The following MGLL variants were observed in gnomAD, a reference collection of about 807,000 sequenced individuals.
MGLL encodes lysophospholipase homolog.
Under a neutral mutation model 29.1 loss-of-function variants are expected in MGLL, and 7 were observed. The observed-to-expected ratio is 0.24, with a 90% CI of 0.14 to 0.45. MGLL has a LOEUF of 0.45. Ranked by LOEUF, MGLL falls within the 20% of genes least tolerant of loss-of-function variation. MGLL has a pLI of 0.99. For missense variants in MGLL, 356 were observed against 413.6 expected, an observed-to-expected ratio of 0.86 and a Z score of 1.21; for synonymous variants, 148 against 168.3, an observed-to-expected ratio of 0.88 and a Z score of 0.93.
At chr3:127,750,363 T>C (rs916646430) in intron 3 of MGLL, among the ~76,000 whole-genome samples, 2 of 152,186 alleles carry the variant, frequency 1.3e-5, no homozygotes, top group Non-Finnish European at 2.9e-5. Context: ...GCAGGCCACG[T>C]GCCTCTTCAT....
At chr3:127,789,108 A>C (rs999880333) in intron 2 of MGLL, among the ~76,000 whole-genome samples, 4 of 151,470 alleles carry the variant, frequency 2.6e-5, no homozygotes, top group African/African-American at 9.7e-5. Context: ...TGGGCTCAAA[A>C]GGGGTGGGGG....
chr3:127,814,931 G>A (rs2077728808), intron 2 of MGLL, among the ~76,000 whole-genome samples: 1 of 152,212 alleles, frequency 6.6e-6, no homozygotes, highest in African/African-American at 2.4e-5. Flanking sequence ...TACTTAAAAG[G>A]TGCTACTAAA....
Position 127,700,588 on chromosome 3 carries a change from G to T in MGLL, c.601-5398C>A, listed in dbSNP as rs115439649. On this transcript the variant is annotated intron_variant, in intron 6 of 7. Coordinates refer to ENST00000265052, the MANE Select transcript of MGLL (RefSeq NM_007283.7). ...GGCCTGCACGGTGGCTGGCACAGGG[G>T]AAGCCTTTGGTAAACTCTGGTGCAA... 2.1e-3 allele frequency among the ~76,000 whole-genome samples: 318 copies of T among 152,250 alleles called. 2 individuals are homozygous for T. The highest frequency in any genetic ancestry group is 7.4e-3 in the African/African-American group (307 of 41,524).
At chr3:127,823,088 G>T (rs1444960759), upstream of MGLL, 1 of 152,120 alleles carries the variant, frequency 6.6e-6, no homozygotes, top group Admixed American at 6.5e-5. Context: ...AGTTACCGGG[G>T]CCACGAGCGC....
At chr3:127,723,525 GC>G (rs576659596) in intron 3 of MGLL, among the ~76,000 whole-genome samples, 98 of 152,168 alleles carry the variant, frequency 6.4e-4, no homozygotes, top group South Asian at 6.0e-3. Flanking sequence ...TTTCCCACTG[GC>G]CCTTCCCCCA....
intron 3 of MGLL, among the ~76,000 whole-genome samples, chr3:127,725,509 C>T (rs1234628673): frequency 2.0e-5 from 3 of 152,018 alleles, no homozygotes; most frequent in African/African-American, 7.3e-5. Context: ...TAATTTTTAC[C>T]CCGGTCCTAA....
Position 127,781,800 on chromosome 3 carries a change from G to A in MGLL, c.251C>T (p.Ala84Val). 1 of 1,614,070 alleles carries A rather than the reference G, an allele frequency of 6.2e-7. No homozygotes were observed. The highest frequency in any genetic ancestry group is 1.1e-5 in the South Asian group (1 of 91,072). Reference sequence around the variant, plus strand: ...CCTGGGACACTCACCATGGTCGTGGGCGAACACCAGCAGGTCCAGCCCCAT... The same window carrying A: ...CCTGGGACACTCACCATGGTCGTGGACGAACACCAGCAGGTCCAGCCCCAT... ...MLMGLDLLVF[A>V]HDHVGHGQSE... The change falls in exon 3 of 8, where the codon GCC becomes GTC. Residue 84 changes from alanine (A) to valine (V), a missense_variant. Physicochemically the swap from Ala to Val is moderately conservative, Grantham distance 64 (BLOSUM62 0). Transcript: ENST00000265052.
chr3:127,752,663 T>C (rs1053128196), intron 3 of MGLL, among the ~76,000 whole-genome samples: 1 of 152,110 alleles, frequency 6.6e-6, no homozygotes, highest in African/African-American at 2.4e-5. Context: ...AGCAGAGATA[T>C]GGCATCCCTG....
At chr3:127,772,235 A>G (rs757901513) in intron 3 of MGLL, among the ~76,000 whole-genome samples, 4 of 152,156 alleles carry the variant, frequency 2.6e-5, no homozygotes, top group Non-Finnish European at 5.9e-5. Flanking sequence ...GGATGAAGCC[A>G]CAATTCAAGG....
chr3:127,761,894 C>T lies in MGLL; in HGVS notation c.262+19895G>A, dbSNP rs1198691820. Among the ~76,000 whole-genome samples, 1 of 152,160 alleles carries T rather than the reference C, an allele frequency of 6.6e-6. No individual in the cohort carries two copies. Among genetic ancestry groups the T allele is most frequent in the East Asian group, 1.9e-4 (1 of 5,190 alleles). ...GAGTTGTGACTGCATCTGAGGATCC[C>T]ATGCAAGGTTTGGGTCCTCTGTTTG... On this transcript the variant is annotated intron_variant, in intron 3 of 7. Coordinates refer to ENST00000265052, the MANE Select transcript of MGLL (RefSeq NM_007283.7). This position sits in a 1 kb window ranked among gnomAD's most constrained non-coding sequence, Gnocchi z 4.6.
chr3:127,715,401 A>G, intron 5 of MGLL: 1 of 324,720 alleles, frequency 3.1e-6, no homozygotes, highest in Non-Finnish European at 6.1e-6. Flanking sequence ...AATTGTGTAG[A>G]GGCAAATATT....
At chr3:127,822,018 C>A in intron 1 of MGLL, 180 bp from the exon 2 acceptor site, 1 of 718,956 alleles carries the variant, frequency 1.4e-6, no homozygotes, top group Non-Finnish European at 2.2e-6. Context: ...ACTGAAAAAT[C>A]CCATTTGTTC....
chr3:127,694,259 T>C (rs1420354392), intron 7 of MGLL, among the ~76,000 whole-genome samples: 1 of 121,036 alleles, frequency 8.3e-6, no homozygotes, highest in Non-Finnish European at 1.6e-5. Flanking sequence ...GACAGAGGGA[T>C]ACTCTGTCTG....
chr3:127,694,209 G>A (rs564977751), intron 7 of MGLL, among the ~76,000 whole-genome samples: 1 of 148,586 alleles, frequency 6.7e-6, no homozygotes, highest in Non-Finnish European at 1.5e-5. Flanking sequence ...GGCAGAGGTT[G>A]CTGTGAGCCG....
intron 3 of MGLL, among the ~76,000 whole-genome samples, chr3:127,755,260 A>G (rs2076642444): frequency 6.6e-6 from 1 of 152,220 alleles, no homozygotes; most frequent in South Asian, 2.1e-4. Flanking sequence ...GAAACTGTTC[A>G]CGTGAGCTAG....
At chr3:127,703,134 G>A (rs191912814) in intron 6 of MGLL, among the ~76,000 whole-genome samples, 210 of 152,288 alleles carry the variant, frequency 1.4e-3, no homozygotes, top group Non-Finnish European at 2.1e-3. Context: ...GGGCTTCAGA[G>A]TCTTCACAAC....
Position 127,695,088 on chromosome 3 carries a change from G to T in MGLL, c.703C>A (p.Pro235Thr). The T allele has an allele frequency of 6.2e-7, 1 of 1,614,162 alleles. No individual in the cohort carries two copies. ...AGCAGGAAGGGCACAGTCAGCTTGG[G>T]GAGGGCGCGCTCCACCCGTGAGACG... is the stretch of plus-strand genomic sequence containing the variant. ...NAVSRVERAL[P>T]KLTVPFLLLQ... Residue 235 changes from proline (P) to threonine (T), a missense_variant, in exon 7 of 8, where the codon CCC becomes ACC. Coordinates refer to ENST00000265052, the MANE Select transcript of MGLL (RefSeq NM_007283.7).
At chr3:127,800,481 TGAG>T (rs1393548601) in intron 2 of MGLL, among the ~76,000 whole-genome samples, 2 of 152,214 alleles carry the variant, frequency 1.3e-5, no homozygotes, top group African/African-American at 2.4e-5. Flanking sequence ...ATCTGTGAAA[TGAG>T]GAGAACCATA....
At chr3:127,723,369 T>C (rs2107626578) in intron 3 of MGLL, among the ~76,000 whole-genome samples, 1 of 152,200 alleles carries the variant, frequency 6.6e-6, no homozygotes, top group East Asian at 1.9e-4. Flanking sequence ...GCCCAGACCT[T>C]CCCTGCTGAG....
Sources: gnomAD v4.1 joint callset for allele counts (sites outside exome capture counted in the v4.1 genomes callset) on GRCh38, gnomAD v4.1.1 for gene constraint, Gnocchi (gnomAD v3.1) non-coding constraint, MANE v1.5 for transcripts, NCBI Gene and HGNC (gene_info 2026-07-23, HGNC 2026-07-21) for gene names.